Variants in SPATA1 observed in about 807,000 individuals in gnomAD.
The protein encoded by SPATA1 is spermatogenesis-associated protein 1.
SPATA1 carries 57 observed loss-of-function variants against 59.6 expected under a neutral mutation model. The observed-to-expected ratio is 0.96, with a 90% CI of 0.77 to 1.19. The LOEUF is 1.19. SPATA1 is among the 50% of genes most tolerant of loss of function. The pLI is 0.00. For synonymous variants in SPATA1, 147 were observed against 163.9 expected, an observed-to-expected ratio of 0.90 and a Z score of 0.79; for missense variants, 448 against 480.7, an observed-to-expected ratio of 0.93 and a Z score of 0.64.
At chr1:84,560,979 C>G (rs906591782) in intron 4 of SPATA1, among the ~76,000 whole-genome samples, 29 of 152,224 alleles carry the variant, frequency 1.9e-4, no homozygotes, top group African/African-American at 5.8e-4. Context: ...ATTTTCATGC[C>G]TGCTAACACA....
In SPATA1 at chr1:84,549,588, C is replaced by A. The variant is rs372064355; in HGVS notation, c.1125+624C>A. ...AGAAATTATGAAATTTTGATCAGTTCTTTTTTTTGAGACAGCCTTGAATCA... is the reference window on the plus strand; with the variant it reads ...AGAAATTATGAAATTTTGATCAGTTATTTTTTTTGAGACAGCCTTGAATCA... On this transcript the variant is annotated intron_variant, in intron 11 of 12. Coordinates refer to ENST00000490879, the Ensembl canonical transcript of SPATA1. 1.3e-4 allele frequency: 20 copies of A among 151,726 alleles called. No homozygotes were observed. The South Asian group carries it at 1.5e-3, about 11-fold the overall frequency. 9.4% of individuals were successfully genotyped at this position (151,726 alleles called of 1,614,324 possible). A position where few individuals can be genotyped will look rare whatever the true frequency, so the allele number is the denominator to read the frequency against.
chr1:84,532,567 G>A (rs1028247084), intron 6 of SPATA1, among the ~76,000 whole-genome samples: 2 of 152,156 alleles, frequency 1.3e-5, no homozygotes, highest in Non-Finnish European at 2.9e-5. Flanking sequence ...GTTGTACATG[G>A]AGACAAACCC....
At chr1:84,563,650 A>C in intron 4 of SPATA1, 1 of 831,776 alleles carries the variant, frequency 1.2e-6, no homozygotes, top group South Asian at 2.4e-5. Context: ...AGAGATTCTA[A>C]AGTTTATATA....
chr1:84,525,104 G>T (rs1683163278), intron 4 of SPATA1, among the ~76,000 whole-genome samples: 1 of 152,216 alleles, frequency 6.6e-6, no homozygotes, highest in Admixed American at 6.5e-5. Context: ...AGCCTCCCGA[G>T]TAGCTGGGGG....
chr1:84,546,751 G>C (rs1298855121), intron 10 of SPATA1, among the ~76,000 whole-genome samples: 5 of 152,060 alleles, frequency 3.3e-5, no homozygotes, highest in Admixed American at 3.3e-4. Context: ...ACTTACTGTA[G>C]AAGCCTACTT....
intron 1 of SPATA1, among the ~76,000 whole-genome samples, chr1:84,508,209 G>A (rs1207436846): frequency 1.6e-4 from 24 of 151,970 alleles, no homozygotes; most frequent in Admixed American, 1.6e-3. Flanking sequence ...GCTTGAACCT[G>A]GGAGGCAGAG....
chr1:84,565,584 T>C (rs1684684329), intron 4 of SPATA1, among the ~76,000 whole-genome samples: 2 of 152,188 alleles, frequency 1.3e-5, no homozygotes, highest in South Asian at 4.1e-4. Context: ...TATGCAATCA[T>C]GAGCAGTTAA....
At position 84,519,045 on chromosome 1, in the gene SPATA1, A is replaced by G. The variant is rs183796959; in HGVS notation, c.37-1540A>G. Among the ~76,000 whole-genome samples, 67 of 152,168 alleles carry G rather than the reference A, an allele frequency of 4.4e-4. 1 individual carries two copies. In the East Asian group the frequency reaches 8.1e-3, roughly 18 times the overall value. ...TTCTCACAGAGCCAGGACTAGTCTG[A>G]GGCAAATGAGGTACTTGCCACAGAT... On this transcript the variant is annotated intron_variant, in intron 2 of 12. Coordinates refer to ENST00000490879, the Ensembl canonical transcript of SPATA1.
intron 9 of SPATA1, among the ~76,000 whole-genome samples, chr1:84,544,571 AT>A (rs886158774): frequency 2.1e-5 from 3 of 141,428 alleles, no homozygotes; most frequent in Non-Finnish European, 4.4e-5. Context: ...TTTTTATTTT[AT>A]TTTTTTTAGA....
intron 8 of SPATA1, among the ~76,000 whole-genome samples, chr1:84,541,176 T>C (rs1683886950): frequency 6.6e-6 from 1 of 152,258 alleles, no homozygotes; most frequent in Non-Finnish European, 1.5e-5. Flanking sequence ...TAGCAGGTTA[T>C]ATCTCAGTTG....
chr1:84,550,412 A>T lies in SPATA1; in HGVS notation c.1126-20A>T. On this transcript the variant is annotated intron_variant, in intron 11 of 12. Coordinates refer to ENST00000490879, the Ensembl canonical transcript of SPATA1. ...AATGTTTATATGTTATACTAAATAA[A>T]TATCTATCTATCCACACAGAATTAC... 7.6e-7 allele frequency: 1 copy of T among 1,309,074 alleles called. No individual in the cohort carries two copies. Among genetic ancestry groups the T allele is most frequent in the South Asian group, 1.6e-5 (1 of 62,468 alleles). The allele number at this position is 1,309,074 out of a possible 1,614,324, so 81.1% of individuals were successfully genotyped here.
At chr1:84,563,428 CA>C (rs780187443) in intron 4 of SPATA1, 6 of 1,478,594 alleles carry the variant, frequency 4.1e-6, no homozygotes, top group African/African-American at 1.5e-5. Flanking sequence ...CCTAGAAATG[CA>C]AAAGTGCTCA....
At chr1:84,535,718 T>A (rs1225029409) in intron 8 of SPATA1, among the ~76,000 whole-genome samples, 1 of 152,212 alleles carries the variant, frequency 6.6e-6, no homozygotes, top group Non-Finnish European at 1.5e-5. Flanking sequence ...ATCAGGTTTT[T>A]TTTTTGTAGA....
chr1:84,529,370 C>T (rs1449988259), intron 6 of SPATA1, among the ~76,000 whole-genome samples: 1 of 151,990 alleles, frequency 6.6e-6, no homozygotes, highest in Non-Finnish European at 1.5e-5. Flanking sequence ...AACACAGTGC[C>T]TAGACCACAG....
intron 4 of SPATA1, among the ~76,000 whole-genome samples, chr1:84,560,131 A>C (rs1684563776): frequency 6.7e-6 from 1 of 149,670 alleles, no homozygotes; most frequent in Non-Finnish European, 1.5e-5. Flanking sequence ...GAAAGAAAGA[A>C]AGGAAAGAAA....
chr1:84,538,209 C>T (rs561065010), intron 8 of SPATA1, among the ~76,000 whole-genome samples: 17 of 152,344 alleles, frequency 1.1e-4, no homozygotes, highest in Non-Finnish European at 1.9e-4. Flanking sequence ...CTTACATCCT[C>T]TCTTTATTAG....
chr1:84,527,970 A>G (rs1297916483), intron 6 of SPATA1, among the ~76,000 whole-genome samples: 1 of 152,164 alleles, frequency 6.6e-6, no homozygotes, highest in Non-Finnish European at 1.5e-5. Flanking sequence ...ACCTCAGGTA[A>G]TCCACCCACC....
At chr1:84,540,983 T>C (rs994205685) in intron 8 of SPATA1, among the ~76,000 whole-genome samples, 1 of 152,240 alleles carries the variant, frequency 6.6e-6, no homozygotes, top group South Asian at 2.1e-4. Flanking sequence ...ACTTGAAGGA[T>C]AGCTTGACTG....
Position 84,548,980 on chromosome 1 carries a change from T to A in SPATA1, c.1125+16T>A, listed in dbSNP as rs1684188197. On this transcript the variant is annotated intron_variant, in intron 11 of 12. Coordinates refer to ENST00000490879, the Ensembl canonical transcript of SPATA1. ...AGACTCCAAGGTATTACTAAATGTA[T>A]CCCCCTTCCGTTAGAGAAGTTCTGT... 2 of 1,536,426 alleles carry A rather than the reference T, an allele frequency of 1.3e-6. No homozygotes were observed. Among genetic ancestry groups the A allele is most frequent in the East Asian group, 2.4e-5 (1 of 41,218 alleles).
Sources: gnomAD v4.1 joint callset for allele counts (sites outside exome capture counted in the v4.1 genomes callset) on GRCh38, gnomAD v4.1.1 for gene constraint, MANE v1.5 for transcripts, NCBI Gene and HGNC (gene_info 2026-07-23, HGNC 2026-07-21) for gene names.